Variants in PLOD1 observed in about 807,000 individuals in gnomAD.
PLOD1 encodes lysine hydroxylase.
In PLOD1, 70 loss-of-function variants were observed where a neutral mutation model predicts 94.7. The observed-to-expected ratio is 0.74, with a 90% CI of 0.61 to 0.90. PLOD1 has a LOEUF of 0.90. PLOD1 is among the 40% of genes least tolerant of loss of function. The probability of loss-of-function intolerance (pLI) is 0.00; values close to 1 mark genes in which losing one functional copy is unlikely to be tolerated. For missense variants in PLOD1, 905 were observed against 972.7 expected (o/e 0.93, Z 0.93); for synonymous variants, 417 against 400.2 (o/e 1.04, Z -0.50).
rs1029512199 is a variant in PLOD1 at position 11,968,805 on chromosome 1, C to T, written c.1755+1714C>T. Among the ~76,000 whole-genome samples, 7 of 149,962 alleles carry T rather than the reference C, an allele frequency of 4.7e-5. No homozygotes were observed. The East Asian group carries it at 8.0e-4, about 17-fold the overall frequency. ...TGGTGGGATTACAGGCATGAGCCAC[C>T]GCACCGGGCACCCCACCTCTCATTT... is the stretch of plus-strand genomic sequence containing the variant. On this transcript the variant is annotated intron_variant, in intron 16 of 18. Transcript: ENST00000196061.
chr1:11,968,272 T>A (rs1334315033), intron 16 of PLOD1, among the ~76,000 whole-genome samples: 1 of 151,834 alleles, frequency 6.6e-6, no homozygotes, highest in Non-Finnish European at 1.5e-5. Context: ...CTTTTTATTT[T>A]ATTTATTTTT....
At chr1:11,964,518 C>A in intron 12 of PLOD1, 126 bp from the exon 13 acceptor site, 1 of 1,004,864 alleles carries the variant, frequency 1.0e-6, no homozygotes, top group South Asian at 1.3e-5. Flanking sequence ...TTGTGCCCCC[C>A]TAGCCTGTGA....
rs1220963641 is a variant in PLOD1, at chr1:11,958,562, C to T, written c.890C>T (p.Pro297Leu). Residue 297 changes from proline to leucine, a missense_variant, in exon 9 of 19, where the codon CCC (proline) becomes CTC (leucine). Transcript: ENST00000196061. This position sits in a 1 kb window ranked among gnomAD's most constrained non-coding sequence, Gnocchi z 4.3. ...TVLVGVFIEQ[P>L]TPFVSLFFQR... Reference sequence around the variant, plus strand: ...CTGGTCGGCGTGTTCATCGAACAGCCCACGCCGTTTGTGTCCCTGTTCTTC... The same window carrying T: ...CTGGTCGGCGTGTTCATCGAACAGCTCACGCCGTTTGTGTCCCTGTTCTTC... 2 of 1,613,950 alleles carry T rather than the reference C, an allele frequency of 1.2e-6. No individual in the cohort carries two copies. Among genetic ancestry groups the T allele is most frequent in the Non-Finnish European group, 8.5e-7 (1 of 1,179,892 alleles).
intron 14 of PLOD1, 57 bp downstream of exon 14, chr1:11,965,650 G>A (rs1163517183): frequency 9.6e-7 from 1 of 1,044,680 alleles, no homozygotes; most frequent in East Asian, 2.4e-5. Context: ...TGATCCTGCA[G>A]TCGGAGGGAC....
chr1:11,948,201 AT>A, intron 2 of PLOD1, 134 bp downstream of exon 2: 1 of 725,236 alleles, frequency 1.4e-6, no homozygotes. Flanking sequence ...AGCCTGAAGG[AT>A]GAAAATGAGT....
intron 18 of PLOD1, 61 bp downstream of exon 18, chr1:11,973,058 G>C (rs1645877972): frequency 6.2e-7 from 1 of 1,605,364 alleles, no homozygotes; most frequent in Non-Finnish European, 8.5e-7. Flanking sequence ...GCTAGCTGAG[G>C]AGAGGCTTCA....
chr1:11,945,083 G>A (rs1166689215), intron 1 of PLOD1, among the ~76,000 whole-genome samples: 1 of 152,216 alleles, frequency 6.6e-6, no homozygotes, highest in African/African-American at 2.4e-5. Flanking sequence ...AGGTGGAAGG[G>A]ACGTCATTGT....
chr1:11,950,286 T>G, intron 3 of PLOD1, 71 bp from the exon 4 acceptor site: 2 of 1,466,452 alleles, frequency 1.4e-6, no homozygotes, highest in Non-Finnish European at 1.9e-6. Context: ...CCCTGGTCCC[T>G]CCTGTCTGTG....
At chr1:11,969,241 G>A (rs529772598) in intron 16 of PLOD1, among the ~76,000 whole-genome samples, 83 of 150,846 alleles carry the variant, frequency 5.5e-4, no homozygotes, top group African/African-American at 1.9e-3. Context: ...CACCCACCTT[G>A]GCCTCCCAAA....
Position 11,972,644 on chromosome 1 carries a change from T to A in PLOD1, c.1903-228T>A. The A allele has an allele frequency of 4.8e-6, 2 of 413,764 alleles. No individual in the cohort carries two copies. The highest frequency in any genetic ancestry group is 4.7e-5 in the East Asian group (1 of 21,492). 25.6% of individuals were successfully genotyped at this position (413,764 alleles called of 1,614,324 possible). The stretch of plus-strand genomic sequence containing the variant: ...CTCCCTTCCTTTCTTCCTTCCCCTC[T>A]GTTCTCTTCCTTCCCTCCCTCTCTC... On this transcript the variant is annotated intron_variant, in intron 17 of 18. Transcript: ENST00000196061. This position sits in a 1 kb window ranked among gnomAD's most constrained non-coding sequence, Gnocchi z 4.6.
intron 15 of PLOD1, 27 bp downstream of exon 15, chr1:11,966,343 C>A (rs1645817574): frequency 6.4e-6 from 10 of 1,555,844 alleles, no homozygotes; most frequent in Non-Finnish European, 8.8e-6. Flanking sequence ...CCCTCTTGGA[C>A]CAGCCTTGCC....
Position 11,957,874 on chromosome 1 carries a change from G to T in PLOD1, c.774G>T (p.Pro258=). The change falls in exon 8 of 19, where the codon CCG becomes CCT. Residue 258 remains proline, a synonymous_variant. Transcript: ENST00000196061. The surrounding 1 kb of genome is among the most constrained non-coding windows in gnomAD (Gnocchi z 4.1). The part of the protein sequence containing the change: ...LQLNYLGNYI[P]RFWTFETGCT... Reference sequence around the variant, plus strand: ...TGAACTACCTGGGCAACTACATCCCGCGCTTCTGGACCTTCGAAACAGGCT... The same window carrying T: ...TGAACTACCTGGGCAACTACATCCCTCGCTTCTGGACCTTCGAAACAGGCT... 6.2e-7 allele frequency: 1 copy of T among 1,614,082 alleles called. No individual in the cohort carries two copies. Among genetic ancestry groups the T allele is most frequent in the Non-Finnish European group, 8.5e-7 (1 of 1,179,968 alleles).
chr1:11,950,333 GTCT>G, intron 3 of PLOD1, 21 bp from the exon 4 acceptor site: 1 of 1,613,318 alleles, frequency 6.2e-7, no homozygotes, highest in Non-Finnish European at 8.5e-7. Context: ...GCCCTGCTCC[GTCT>G]TCTCGCTGCT....
At chr1:11,939,643 G>A (rs1259860871) in intron 1 of PLOD1, among the ~76,000 whole-genome samples, 2 of 151,868 alleles carry the variant, frequency 1.3e-5, no homozygotes, top group African/African-American at 2.4e-5. Context: ...ATGGAGTCTC[G>A]CTCACCTAGT....
chr1:11,975,405 A>G lies in PLOD1; in HGVS notation c.*597A>G, dbSNP rs1415808420. 2.3e-5 allele frequency: 4 copies of G among 172,500 alleles called. No homozygotes were observed. Among genetic ancestry groups the G allele is most frequent in the African/African-American group, 9.6e-5 (4 of 41,708 alleles). 10.7% of individuals were successfully genotyped at this position (172,500 alleles called of 1,614,324 possible). On this transcript the variant is annotated 3_prime_UTR_variant, in exon 19 of 19. Transcript: ENST00000196061. ...AGAAGAGGCATCTGTGCACAGCTCG[A>G]TCTTCTACTTGCCTGTGGGGAGGGG...
rs112886064 is a variant in PLOD1, at chr1:11,957,644, A to G, written c.742-198A>G. Among the ~76,000 whole-genome samples the G allele has an allele frequency of 3.9e-5, 6 of 152,320 alleles. No individual in the cohort carries two copies. Among genetic ancestry groups the G allele is most frequent in the African/African-American group, 1.4e-4 (6 of 41,580 alleles). On this transcript the variant is annotated intron_variant, in intron 7 of 18. Transcript: ENST00000196061. This position sits in a 1 kb window ranked among gnomAD's most constrained non-coding sequence, Gnocchi z 4.1. ...TTTACAAGCTCTCGGGAGAAGCACT[A>G]GAGTGCCAAGCCCTCCCCTGCCCTC...
At chr1:11,934,930 C>T in intron 1 of PLOD1, 75 bp downstream of exon 1, 2 of 1,489,830 alleles carry the variant, frequency 1.3e-6, no homozygotes, top group Non-Finnish European at 1.8e-6. Flanking sequence ...TCCCTGGGAA[C>T]GACCTGAATG....
At chr1:11,949,250 T>C (rs1645679337) in intron 2 of PLOD1, among the ~76,000 whole-genome samples, 1 of 151,838 alleles carries the variant, frequency 6.6e-6, no homozygotes. Flanking sequence ...CATGCTGGGG[T>C]CACATGCTCA....
chr1:11,944,623 A>G (rs748408983), intron 1 of PLOD1: 1 of 1,364,788 alleles, frequency 7.3e-7, no homozygotes, highest in South Asian at 1.1e-5. Flanking sequence ...CCCTTCCCCA[A>G]GTGTGAGCAG....
Sources: allele counts gnomAD v4.1 joint callset (sites outside exome capture counted in the v4.1 genomes callset), GRCh38; gene constraint gnomAD v4.1.1; non-coding constraint Gnocchi (gnomAD v3.1); transcripts MANE v1.5; gene names NCBI Gene and HGNC (gene_info 2026-07-23, HGNC 2026-07-21).